The following MYLK variants were observed in gnomAD, a reference collection of about 807,000 sequenced individuals.
MYLK encodes myosin light chain kinase, smooth muscle.
MYLK carries 106 observed loss-of-function variants against 203.4 expected under a neutral mutation model. That is an observed-to-expected ratio of 0.52 (90% CI 0.45 to 0.61). The LOEUF is 0.61. MYLK is among the 20% of genes least tolerant of loss of function. The probability of loss-of-function intolerance (pLI) is 0.00; values close to 1 mark genes in which losing one functional copy is unlikely to be tolerated. For synonymous variants in MYLK, 867 were observed against 959.5 expected (o/e 0.90, Z 1.78); for missense variants, 2,072 against 2,442.3 (o/e 0.85, Z 3.20).
chr3:123,655,365 A>G (rs1000630086), intron 24 of MYLK, among the ~76,000 whole-genome samples: 3 of 151,956 alleles, frequency 2.0e-5, no homozygotes, highest in Non-Finnish European at 4.4e-5. Context: ...TTCCTTCTTT[A>G]TGGTGTTGGT....
intron 3 of MYLK, among the ~76,000 whole-genome samples, chr3:123,817,088 T>C (rs909338421): frequency 3.3e-5 from 5 of 152,362 alleles, no homozygotes; most frequent in African/African-American, 4.8e-5. Context: ...TCTCACTTTC[T>C]GGAAGGATGT....
intron 28 of MYLK, among the ~76,000 whole-genome samples, chr3:123,638,419 T>C (rs1303705669): frequency 6.6e-6 from 1 of 152,060 alleles, no homozygotes; most frequent in African/African-American, 2.4e-5. Context: ...CTGTGCAGGG[T>C]GGGCAGGGGG....
At chr3:123,707,244 G>A (rs540161922) in intron 16 of MYLK, among the ~76,000 whole-genome samples, 1 of 152,372 alleles carries the variant, frequency 6.6e-6, no homozygotes, top group East Asian at 1.9e-4. Context: ...TCACGGGAGT[G>A]AGCCTTGGAA....
intron 13 of MYLK, among the ~76,000 whole-genome samples, chr3:123,718,433 G>A (rs994375841): frequency 5.3e-5 from 8 of 152,194 alleles, no homozygotes; most frequent in African/African-American, 9.6e-5. Flanking sequence ...GAATTTTCAC[G>A]GAGTAAATTG....
intron 3 of MYLK, among the ~76,000 whole-genome samples, chr3:123,830,831 C>T (rs780344879): frequency 6.6e-6 from 1 of 152,188 alleles, no homozygotes; most frequent in Non-Finnish European, 1.5e-5. Context: ...TGGAAACACC[C>T]TAAGCCCCAA....
chr3:123,653,749 G>A (rs776342908), intron 24 of MYLK, among the ~76,000 whole-genome samples: 25 of 152,176 alleles, frequency 1.6e-4, no homozygotes, highest in Non-Finnish European at 2.4e-4. Context: ...TGTAGCTCCC[G>A]TGGCCTCTGG....
At chr3:123,788,542 C>A in intron 4 of MYLK, among the ~76,000 whole-genome samples, 1 of 116,144 alleles carries the variant, frequency 8.6e-6, no homozygotes, top group Middle Eastern at 6.6e-3. Flanking sequence ...CTCCCCTCCC[C>A]CCACCCCACA....
intron 10 of MYLK, 83 bp from the exon 11 acceptor site, chr3:123,733,185 C>G: frequency 6.7e-7 from 1 of 1,485,066 alleles, no homozygotes; most frequent in Non-Finnish European, 9.2e-7. Context: ...AAGGTGTGAG[C>G]TGGAGGAAAG....
chr3:123,783,830 G>T (rs1008914131), intron 4 of MYLK, among the ~76,000 whole-genome samples: 7 of 151,972 alleles, frequency 4.6e-5, no homozygotes, highest in Non-Finnish European at 1.0e-4. Flanking sequence ...CTTGATTTAA[G>T]AATTTAGACA....
At chr3:123,793,889 C>G (rs376458938) in intron 3 of MYLK, 45 bp from the exon 4 acceptor site, 18 of 1,608,004 alleles carry the variant, frequency 1.1e-5, no homozygotes, top group African/African-American at 2.7e-5. Flanking sequence ...AGACAAAGCA[C>G]AGCCCTGTCT....
intron 13 of MYLK, among the ~76,000 whole-genome samples, chr3:123,710,443 G>A (rs1193736719): frequency 6.6e-6 from 1 of 152,210 alleles, no homozygotes; most frequent in Non-Finnish European, 1.5e-5. Flanking sequence ...TCATAAGACA[G>A]AACTGAAGAG....
chr3:123,766,437 G>A (rs553373014), intron 4 of MYLK, among the ~76,000 whole-genome samples: 1 of 152,262 alleles, frequency 6.6e-6, no homozygotes, highest in Admixed American at 6.5e-5. Flanking sequence ...ACGGAGGAGG[G>A]TGAGGGCTCC....
intron 4 of MYLK, among the ~76,000 whole-genome samples, chr3:123,760,827 A>AG (rs1369084399): frequency 6.6e-6 from 1 of 152,192 alleles, no homozygotes; most frequent in African/African-American, 2.4e-5. Context: ...TAAAGACCGA[A>AG]ACCCAATTTG....
chr3:123,737,281 GTA>G, intron 8 of MYLK, 95 bp downstream of exon 8: 1 of 1,482,236 alleles, frequency 6.7e-7, no homozygotes, highest in South Asian at 1.1e-5. Flanking sequence ...TGGGCCAGGT[GTA>G]TACACACACA....
chr3:123,834,761 T>G (rs776997238), intron 2 of MYLK, among the ~76,000 whole-genome samples: 14 of 152,304 alleles, frequency 9.2e-5, no homozygotes, highest in Non-Finnish European at 1.9e-4. Flanking sequence ...AATGAGTAAT[T>G]AGCATGACTC....
At chr3:123,773,833 C>A (rs546944704) in intron 4 of MYLK, among the ~76,000 whole-genome samples, 1 of 152,384 alleles carries the variant, frequency 6.6e-6, no homozygotes, top group East Asian at 1.9e-4. Flanking sequence ...GCCACGAAAA[C>A]GTTGCACTGG....
chr3:123,633,748 C>G (rs1290733364), intron 29 of MYLK, among the ~76,000 whole-genome samples: 1 of 152,204 alleles, frequency 6.6e-6, no homozygotes, highest in Non-Finnish European at 1.5e-5. Flanking sequence ...CCCAGGGAAT[C>G]TGATGTGGAA....
chr3:123,748,107 T>C (rs1371671661), intron 5 of MYLK, among the ~76,000 whole-genome samples: 5 of 152,290 alleles, frequency 3.3e-5, no homozygotes, highest in African/African-American at 9.6e-5. Context: ...CTGCTCTTGG[T>C]GAGGGCCTCG....
chr3:123,629,614 A>G lies in MYLK; in HGVS notation c.4974T>C (p.Leu1658=). 6.2e-7 allele frequency: 1 copy of G among 1,613,838 alleles called. No homozygotes were observed. Among genetic ancestry groups the G allele is most frequent in the African/African-American group, 1.3e-5 (1 of 75,032 alleles). The part of the protein sequence containing the change: ...GVICYILVSG[L]SPFMGDNDNE... ...TATCGTTGTCTCCCATGAAGGGGGA[A>G]AGGCCACTGACTCTGGAGAGACAAG... is the stretch of plus-strand genomic sequence containing the variant. The change falls in exon 30 of 34, where the codon CTT becomes CTC. Residue 1658 remains leucine, a synonymous_variant. Transcript: ENST00000360304. This position sits in a 1 kb window ranked among gnomAD's most constrained non-coding sequence, Gnocchi z 4.4.
Sources: gnomAD v4.1 joint callset for allele counts (sites outside exome capture counted in the v4.1 genomes callset) on GRCh38, gnomAD v4.1.1 for gene constraint, Gnocchi (gnomAD v3.1) non-coding constraint, MANE v1.5 for transcripts, NCBI Gene and HGNC (gene_info 2026-07-23, HGNC 2026-07-21) for gene names.